Variants in C21orf58 observed in about 807,000 individuals in gnomAD.
C21orf58 encodes the protein uncharacterized protein C21orf58.
C21orf58 carries 34 observed loss-of-function variants against 35.8 expected under a neutral mutation model. The ratio of observed to expected loss-of-function variants is 0.95; its 90% confidence interval spans 0.72 to 1.26. The LOEUF is 1.26. C21orf58 is among the 50% of genes most tolerant of loss of function. The pLI, the probability that C21orf58 is intolerant of heterozygous loss-of-function variation, is 0.00. For synonymous variants in C21orf58, 191 were observed against 175.8 expected, an observed-to-expected ratio of 1.09 and a Z score of -0.68; for missense variants, 440 against 414.3, an observed-to-expected ratio of 1.06 and a Z score of -0.54.
At position 46,302,594 on chromosome 21, in the gene C21orf58, G is replaced by C. The variant is rs1238380565; in HGVS notation, c.722-18C>G. 1 of 1,597,044 alleles carries C rather than the reference G, an allele frequency of 6.3e-7. No homozygotes were observed. Among genetic ancestry groups the C allele is most frequent in the Non-Finnish European group, 8.6e-7 (1 of 1,168,778 alleles). Reference sequence around the variant, plus strand: ...CACCATGTCTGCAGGGAAGAAGCAGGGGGACCCTGAATAAAGTTTCCGTTT... The same window carrying C: ...CACCATGTCTGCAGGGAAGAAGCAGCGGGACCCTGAATAAAGTTTCCGTTT... On this transcript the variant is annotated intron_variant, in intron 6 of 7. Coordinates refer to ENST00000291691, the MANE Select transcript of C21orf58 (RefSeq NM_058180.5).
Position 46,302,304 on chromosome 21 carries a change from A to C in C21orf58, c.814-150T>G, listed in dbSNP as rs566068615. 6.0e-6 allele frequency: 8 copies of C among 1,340,548 alleles called. No homozygotes were observed. The African/African-American group carries it at 1.0e-4, about 17-fold the overall frequency. 83.0% of individuals were successfully genotyped at this position (1,340,548 alleles called of 1,614,324 possible). A position where few individuals can be genotyped will look rare whatever the true frequency, so the allele number is the denominator to read the frequency against. ...CCAGAGGAGGCTCCTCCCCCGCCCCAAATTGTGCAACCCATTCCTCATCTG... is the reference window on the plus strand; with the variant it reads ...CCAGAGGAGGCTCCTCCCCCGCCCCCAATTGTGCAACCCATTCCTCATCTG... On this transcript the variant is annotated intron_variant, in intron 7 of 7. Transcript: ENST00000291691.
intron 1 of C21orf58, among the ~76,000 whole-genome samples, chr21:46,319,565 C>G (rs375813932): frequency 8.5e-5 from 13 of 152,268 alleles, no homozygotes; most frequent in African/African-American, 3.1e-4. Flanking sequence ...GAGTTGGAGA[C>G]CAGCCGGCAC....
intron 5 of C21orf58, among the ~76,000 whole-genome samples, chr21:46,312,010 T>TCCATCCAC (rs1328829147): frequency 2.3e-5 from 1 of 44,372 alleles, no homozygotes; most frequent in African/African-American, 9.0e-5. Context: ...CACCCACCCA[T>TCCATCCAC]CCATCCACCC....
chr21:46,319,909 A>T (rs902224997), intron 1 of C21orf58, among the ~76,000 whole-genome samples: 29 of 151,860 alleles, frequency 1.9e-4, no homozygotes, highest in African/African-American at 5.3e-4. Flanking sequence ...GAAAAAAAAT[A>T]AAAAAAATAA....
At chr21:46,322,601 A>T (rs1221773502) in intron 1 of C21orf58, 38 bp downstream of exon 1, 2 of 1,468,128 alleles carry the variant, frequency 1.4e-6, no homozygotes, top group Non-Finnish European at 1.8e-6. Flanking sequence ...CCCAATTCCG[A>T]GTCTGGGAAC....
At chr21:46,321,702 C>T (rs921542111) in intron 1 of C21orf58, among the ~76,000 whole-genome samples, 6 of 152,186 alleles carry the variant, frequency 3.9e-5, no homozygotes, top group South Asian at 2.1e-4. Flanking sequence ...ACTGTCACCT[C>T]GACTATAACT....
At position 46,302,285 on chromosome 21, in the gene C21orf58, G is replaced by A. The variant is rs114869810; in HGVS notation, c.814-131C>T. 1,210 of 1,401,106 alleles carry A rather than the reference G, an allele frequency of 8.6e-4. 9 individuals carry two copies. In the African/African-American group the frequency reaches 0.016, roughly 18 times the overall value. The allele number at this position is 1,401,106 out of a possible 1,614,324, so 86.8% of individuals were successfully genotyped here. A position where few individuals can be genotyped will look rare whatever the true frequency, so the allele number is the denominator to read the frequency against. ...GCAGGGTCTAAGCATCCTCCCAGAG[G>A]AGGCTCCTCCCCCGCCCCAAATTGT... On this transcript the variant is annotated intron_variant, in intron 7 of 7. Transcript: ENST00000291691.
chr21:46,300,984 G>T, downstream of C21orf58: 1 of 791,428 alleles, frequency 1.3e-6, no homozygotes, highest in Non-Finnish European at 1.7e-6. Flanking sequence ...AGGGGAGTGA[G>T]CCGCCCTTCC....
intron 6 of C21orf58, among the ~76,000 whole-genome samples, chr21:46,308,350 G>C (rs1444341400): frequency 6.6e-6 from 1 of 151,740 alleles, no homozygotes; most frequent in East Asian, 2.0e-4. Context: ...AATCCCAGCT[G>C]CTCGGGAGGC....
Position 46,314,783 on chromosome 21 carries a change from G to T in C21orf58, c.542C>A (p.Thr181Lys). ...GSALPPELPPTGILPTASPSP... is the reference protein window; with the variant it reads ...GSALPPELPPKGILPTASPSP... ...TGGGGAGGCAGTGGGTAGGATGCCC[G>T]TGGGGGGCAGCTCTGGGGGCAGGGC... Residue 181 changes from threonine to lysine, a missense_variant, in exon 5 of 8, where the codon ACG (threonine) becomes AAG (lysine). By Grantham distance (78) the Thr-to-Lys change is moderately conservative. Transcript: ENST00000291691. 4 of 1,529,502 alleles carry T rather than the reference G, an allele frequency of 2.6e-6. No homozygotes were observed. The highest frequency in any genetic ancestry group is 2.6e-6 in the Non-Finnish European group (3 of 1,132,726). The allele number at this position is 1,529,502 out of a possible 1,614,324, so 94.7% of individuals were successfully genotyped here. A position where few individuals can be genotyped will look rare whatever the true frequency, so the allele number is the denominator to read the frequency against.
chr21:46,302,322 CTCATCTGGG>C (rs2082142606), intron 7 of C21orf58, among the ~76,000 whole-genome samples, 154 bp downstream of exon 7: 1 of 152,232 alleles, frequency 6.6e-6, no homozygotes, highest in Admixed American at 6.5e-5. Flanking sequence ...CAACCCATTC[CTCATCTGGG>C]CTGGGACTCG....
chr21:46,323,835 G>C lies in C21orf58; in HGVS notation c.-1097C>G, dbSNP rs1221360024. On this transcript the variant is annotated 5_prime_UTR_variant, in exon 1 of 8. Transcript: ENST00000291691. ...CTGTCCTGGTGGACACAAAGCCCAG[G>C]GGCCGCCCGCGCGGGACCAGCAGCG... The C allele has an allele frequency of 2.8e-6, 1 of 362,326 alleles. No individual in the cohort carries two copies. Among genetic ancestry groups the C allele is most frequent in the East Asian group, 7.2e-5 (1 of 13,798 alleles). The allele number at this position is 362,326 out of a possible 1,614,324, so 22.4% of individuals were successfully genotyped here.
chr21:46,315,518 G>C lies in C21orf58; in HGVS notation c.400C>G (p.Gln134Glu). 6.2e-7 allele frequency: 1 copy of C among 1,611,934 alleles called. No homozygotes were observed. Among genetic ancestry groups the C allele is most frequent in the Non-Finnish European group, 8.5e-7 (1 of 1,178,440 alleles). Reference protein sequence around the residue: ...GNEDRPDDALQTALKRRRDLL... With the variant: ...GNEDRPDDALETALKRRRDLL... ...TCCCTCCTTCTCTTCAGAGCAGTCT[G>C]CAGGGCATCGTCCGGCCGGTCCTCA... Residue 134 changes from glutamine (Q) to glutamate (E), a missense_variant, in exon 4 of 8, where the codon CAG becomes GAG. By Grantham distance (29) the Gln-to-Glu change is conservative (BLOSUM62 2). Coordinates refer to ENST00000291691, the MANE Select transcript of C21orf58 (RefSeq NM_058180.5).
chr21:46,318,957 C>G (rs1267256675), intron 1 of C21orf58: 1 of 645,688 alleles, frequency 1.5e-6, no homozygotes, highest in East Asian at 1.4e-4. Flanking sequence ...AGCAGGGGCC[C>G]AGACCTGTGG....
chr21:46,304,044 T>TG (rs2082305897), intron 6 of C21orf58, among the ~76,000 whole-genome samples: 7 of 68,594 alleles, frequency 1.0e-4, no homozygotes, highest in Non-Finnish European at 1.9e-4. Context: ...TTTTTTTTTT[T>TG]GAGACGGAGT....
At chr21:46,318,525 C>T in intron 1 of C21orf58, 1 of 1,281,334 alleles carries the variant, frequency 7.8e-7, no homozygotes, top group Admixed American at 3.4e-5. Flanking sequence ...GGACCCAGTC[C>T]AGAAGAACCT....
rs1175123385 is a variant in C21orf58, at chr21:46,307,021, A to G, written c.721+4435T>C. 3.3e-5 allele frequency among the ~76,000 whole-genome samples: 5 copies of G among 151,900 alleles called. No homozygotes were observed. The South Asian group carries it at 6.2e-4, about 19-fold the overall frequency. ...AGCAATTCTCCTGCCTCAACCTCCC[A>G]AGTAACTGGGATTACAGGCGCCCAC... On this transcript the variant is annotated intron_variant, in intron 6 of 7. Coordinates refer to ENST00000291691, the MANE Select transcript of C21orf58 (RefSeq NM_058180.5).
At chr21:46,315,113 G>C in intron 4 of C21orf58, 1 of 1,247,766 alleles carries the variant, frequency 8.0e-7, no homozygotes, top group East Asian at 2.6e-5. Context: ...CCCAGGGTCT[G>C]TTCTCTCTTT....
downstream of C21orf58, chr21:46,300,741 G>A (rs2082080701): frequency 7.8e-7 from 1 of 1,288,746 alleles, no homozygotes; most frequent in Admixed American, 2.3e-5. Context: ...AAAGATGGAA[G>A]CACTGGGACA....
Sources: gnomAD v4.1 joint callset for allele counts (sites outside exome capture counted in the v4.1 genomes callset) on GRCh38, gnomAD v4.1.1 for gene constraint, MANE v1.5 for transcripts, NCBI Gene and HGNC (gene_info 2026-07-23, HGNC 2026-07-21) for gene names.